Variants in DDAH1 observed in about 807,000 individuals in gnomAD.
DDAH1 encodes the protein N(G),N(G)-dimethylarginine dimethylaminohydrolase 1.
Under a neutral mutation model 28.8 loss-of-function variants are expected in DDAH1, and 19 were observed. The observed-to-expected ratio is 0.66, with a 90% CI of 0.46 to 0.97. DDAH1 has a LOEUF of 0.97. Ranked by LOEUF, DDAH1 falls within the 50% of genes least tolerant of loss-of-function variation. The pLI is 0.00. For missense variants in DDAH1, 326 were observed against 375.9 expected (o/e 0.87, Z 1.10); for synonymous variants, 153 against 154.4 (o/e 0.99, Z 0.07).
intron 4 of DDAH1, among the ~76,000 whole-genome samples, chr1:85,336,743 G>GT (rs950413441): frequency 8.6e-5 from 13 of 151,280 alleles, no homozygotes; most frequent in African/African-American, 1.7e-4. Flanking sequence ...GAAACTAAAA[G>GT]TTTTTTTTTG....
chr1:85,410,381 T>C (rs1469070183), intron 1 of DDAH1, among the ~76,000 whole-genome samples: 1 of 152,178 alleles, frequency 6.6e-6, no homozygotes, highest in Non-Finnish European at 1.5e-5. Flanking sequence ...GGCCCATGCC[T>C]GTAATCCCAG....
At chr1:85,416,642 T>C (rs1652901027) in intron 1 of DDAH1, among the ~76,000 whole-genome samples, 1 of 152,196 alleles carries the variant, frequency 6.6e-6, no homozygotes, top group African/African-American at 2.4e-5. Flanking sequence ...CTGGAGTGGA[T>C]CAGACAACTG....
At chr1:85,538,599 T>C (rs574212279) in intron 1 of DDAH1, among the ~76,000 whole-genome samples, 1 of 149,766 alleles carries the variant, frequency 6.7e-6, no homozygotes, top group East Asian at 2.0e-4. Context: ...GTGCTGTGCA[T>C]TTTCCCAAAA....
Position 85,511,450 on chromosome 1 carries a change from C to G in DDAH1, c.-122-15169G>C, listed in dbSNP as rs576214211. 3.3e-5 allele frequency among the ~76,000 whole-genome samples: 5 copies of G among 152,172 alleles called. No individual in the cohort carries two copies. The East Asian group carries it at 7.7e-4, about 24-fold the overall frequency. On this transcript the variant is annotated intron_variant, in intron 1 of 6. Coordinates refer to the DDAH1 transcript ENST00000426972. ...ATCACAATTAAAAGAACTAGAGAAG[C>G]AAGAGCAAACACATTCAAAAGCTAG...
chr1:85,331,200 A>G (rs1327627467), intron 4 of DDAH1, among the ~76,000 whole-genome samples: 3 of 152,194 alleles, frequency 2.0e-5, no homozygotes, highest in Admixed American at 6.5e-5. Context: ...TTCTCATCCA[A>G]ACGACTGAAA....
intron 1 of DDAH1, among the ~76,000 whole-genome samples, chr1:85,449,279 C>A (rs1017675027): frequency 6.6e-6 from 1 of 152,168 alleles, no homozygotes; most frequent in Admixed American, 6.5e-5. Flanking sequence ...CAGAACATGG[C>A]ACCAAGAGGA....
chr1:85,406,401 C>A (rs1009092317), intron 1 of DDAH1, among the ~76,000 whole-genome samples: 4 of 152,012 alleles, frequency 2.6e-5, no homozygotes, highest in African/African-American at 9.7e-5. Context: ...TCCAAATTAT[C>A]CCCATCCTCT....
chr1:85,373,434 G>A (rs1650492408), intron 1 of DDAH1, among the ~76,000 whole-genome samples: 1 of 152,020 alleles, frequency 6.6e-6, no homozygotes, highest in Admixed American at 6.6e-5. Flanking sequence ...ATTGAGGGAG[G>A]GAGATGATTG....
At chr1:85,495,786 G>T (rs1025473261) in intron 2 of DDAH1, 4 of 152,254 alleles carry the variant, frequency 2.6e-5, no homozygotes, top group African/African-American at 9.6e-5. Context: ...AGCCACAGCT[G>T]CTACCTGAAC....
chr1:85,511,566 T>A (rs1344831232), intron 1 of DDAH1, among the ~76,000 whole-genome samples: 6 of 152,134 alleles, frequency 3.9e-5, no homozygotes, highest in Non-Finnish European at 5.9e-5. Context: ...CAGGAGCTGG[T>A]TTTTTGAAAA....
chr1:85,546,135 A>G (rs1658618553), intron 1 of DDAH1, among the ~76,000 whole-genome samples: 1 of 152,194 alleles, frequency 6.6e-6, no homozygotes, highest in Admixed American at 6.5e-5. Context: ...TGTCTCCAAA[A>G]AAAAAAAAAC....
At chr1:85,536,948 C>CATAT (rs202209648) in intron 1 of DDAH1, among the ~76,000 whole-genome samples, 488 of 91,714 alleles carry the variant, frequency 5.3e-3, no homozygotes, top group Non-Finnish European at 6.3e-3. Flanking sequence ...GAAAATGTGG[C>CATAT]ATATATATAT....
intron 2 of DDAH1, among the ~76,000 whole-genome samples, chr1:85,485,978 T>G (rs1656191471): frequency 6.6e-6 from 1 of 152,166 alleles, no homozygotes; most frequent in African/African-American, 2.4e-5. Context: ...GGCTAGAAAC[T>G]GTTAGATTTT....
intron 5 of DDAH1, among the ~76,000 whole-genome samples, chr1:85,324,347 G>A (rs1647233961): frequency 2.6e-5 from 4 of 151,428 alleles, no homozygotes; most frequent in Admixed American, 2.0e-4. Context: ...CCTTTTCTGA[G>A]GGACAGCTCA....
At chr1:85,563,611 G>A (rs1659201493) in intron 1 of DDAH1, among the ~76,000 whole-genome samples, 1 of 152,076 alleles carries the variant, frequency 6.6e-6, no homozygotes, top group South Asian at 2.1e-4. Flanking sequence ...CACCCGACAA[G>A]GTAGAATTCA....
intron 4 of DDAH1, among the ~76,000 whole-genome samples, chr1:85,329,942 A>G (rs747809885): frequency 1.9e-4 from 29 of 152,268 alleles, no homozygotes; most frequent in Non-Finnish European, 3.1e-4. Flanking sequence ...CCCCCTTGAA[A>G]ATGCTAAAGG....
intron 1 of DDAH1, among the ~76,000 whole-genome samples, chr1:85,526,876 G>A (rs1310213781): frequency 1.3e-5 from 2 of 149,548 alleles, no homozygotes; most frequent in Non-Finnish European, 3.0e-5. Flanking sequence ...AAAGTGAGAA[G>A]AGAAGGAGGG....
At chr1:85,516,117 G>A (rs502101) in intron 1 of DDAH1, among the ~76,000 whole-genome samples, 9 of 150,494 alleles carry the variant, frequency 6.0e-5, no homozygotes, top group African/African-American at 1.2e-4. Context: ...CTACCTTAAC[G>A]ACCTCCTTAA....
intron 1 of DDAH1, among the ~76,000 whole-genome samples, chr1:85,432,921 C>T (rs926002848): frequency 1.8e-4 from 28 of 152,182 alleles, no homozygotes; most frequent in African/African-American, 6.7e-4. Flanking sequence ...CAAAACAATA[C>T]CCTAGACCTT....
Sources: gnomAD v4.1 joint callset for allele counts (sites outside exome capture counted in the v4.1 genomes callset) on GRCh38, gnomAD v4.1.1 for gene constraint, MANE v1.5 for transcripts, NCBI Gene and HGNC (gene_info 2026-07-23, HGNC 2026-07-21) for gene names.